The following PTPRN variants were observed in gnomAD, a reference collection of about 807,000 sequenced individuals.
PTPRN encodes the protein protein tyrosine phosphatase receptor type N.
Under a neutral mutation model 108.5 loss-of-function variants are expected in PTPRN, and 70 were observed. The observed-to-expected ratio is 0.65, with a 90% CI of 0.53 to 0.79. PTPRN has a LOEUF of 0.79. Among genes scored for constraint, PTPRN ranks in the 30% least tolerant of loss-of-function variants. The pLI is 0.00. For synonymous variants in PTPRN, 496 were observed against 524.6 expected (o/e 0.95, Z 0.75); for missense variants, 1,136 against 1,295.5 (o/e 0.88, Z 1.89).
intron 20 of PTPRN, 46 bp downstream of exon 20, chr2:219,291,424 G>T: frequency 6.3e-7 from 1 of 1,590,202 alleles, no homozygotes; most frequent in Non-Finnish European, 8.6e-7. Flanking sequence ...CACAGGAGAC[G>T]CACACAGGGA....
Position 219,296,059 on chromosome 2 carries a change from CA to C in PTPRN, c.2508+166del. On this transcript the variant is annotated intron_variant, in intron 18 of 22. Transcript: ENST00000295718. The surrounding 1 kb of genome is among the most constrained non-coding windows in gnomAD (Gnocchi z 6.0). ...GTATATATGTGAATATATGGGTATG[CA>C]TATATGTGTTTATATATATTCATAT... The C allele has an allele frequency of 1.1e-6, 1 of 913,504 alleles. No homozygotes were observed. Among genetic ancestry groups the C allele is most frequent in the Non-Finnish European group, 1.7e-6 (1 of 599,526 alleles). 56.6% of individuals were successfully genotyped at this position (913,504 alleles called of 1,614,324 possible).
At position 219,302,351 on chromosome 2, in the gene PTPRN, G is replaced by A; in HGVS notation, c.780C>T (p.Ser260=). 1 of 1,613,722 alleles carries A rather than the reference G, an allele frequency of 6.2e-7. No homozygotes were observed. The highest frequency in any genetic ancestry group is 1.7e-4 in the Middle Eastern group (1 of 6,050). The change falls in exon 6 of 23, where the codon TCC becomes TCT. Residue 260 remains serine, a synonymous_variant. Coordinates refer to ENST00000295718, the MANE Select transcript of PTPRN (RefSeq NM_002846.4). ...KGIFGDHPGH[S]YGDLPGPSPA... ...GTGAAGGCCCTGGAAGGTCCCCGTA[G>A]GAGTGGCCAGGGTGGTCCCCAAATA...
intron 1 of PTPRN, 23 bp downstream of exon 1, chr2:219,309,195 G>A (rs754933954): frequency 3.3e-5 from 18 of 550,622 alleles, no homozygotes; most frequent in Non-Finnish European, 4.2e-5. Flanking sequence ...CCCACCACCC[G>A]CCAGCCCAAG....
chr2:219,305,462 C>T (rs184826591), intron 3 of PTPRN, among the ~76,000 whole-genome samples: 2 of 152,146 alleles, frequency 1.3e-5, no homozygotes, highest in Admixed American at 6.5e-5. Context: ...AGGCTGGTCT[C>T]GAACTCCTGA....
chr2:219,298,070 C>T lies in PTPRN; in HGVS notation c.1702G>A (p.Ala568Thr), dbSNP rs765635371. ...EEAAAVLPQTAHSTSPMRSVL... is the reference protein window; with the variant it reads ...EEAAAVLPQTTHSTSPMRSVL... Reference sequence around the variant, plus strand: ...GAGCGCATGGGTGAGGTGCTGTGCGCAGTTTGGGGAAGGACTGCAGCTGCC... The same window carrying T: ...GAGCGCATGGGTGAGGTGCTGTGCGTAGTTTGGGGAAGGACTGCAGCTGCC... Residue 568 changes from alanine to threonine, a missense_variant, in exon 13 of 23, where the codon GCG (alanine) becomes ACG (threonine). Physicochemically the swap from Ala to Thr is moderately conservative, Grantham distance 58. Transcript: ENST00000295718. 1.9e-6 allele frequency: 3 copies of T among 1,613,888 alleles called. No individual in the cohort carries two copies. The highest frequency in any genetic ancestry group is 1.7e-5 in the Admixed American group (1 of 60,034).
chr2:219,302,795 C>G lies in PTPRN; in HGVS notation c.420G>C (p.Leu140=). ...APKRPGPAGE[L]LLQDIPTGSA... ...AGCCAGTGGGGATGTCCTGTAAAAGCAGCTCTCCAGCAGGACCAGGTCTCT... is the reference window on the plus strand; with the variant it reads ...AGCCAGTGGGGATGTCCTGTAAAAGGAGCTCTCCAGCAGGACCAGGTCTCT... The change falls in exon 5 of 23, where the codon CTG becomes CTC. Residue 140 remains leucine (L), a synonymous_variant. Coordinates refer to ENST00000295718, the MANE Select transcript of PTPRN (RefSeq NM_002846.4). 6.2e-7 allele frequency: 1 copy of G among 1,613,588 alleles called. No individual in the cohort carries two copies. Among genetic ancestry groups the G allele is most frequent in the Non-Finnish European group, 8.5e-7 (1 of 1,179,848 alleles).
intron 3 of PTPRN, among the ~76,000 whole-genome samples, chr2:219,306,414 G>T (rs537955840): frequency 6.6e-6 from 1 of 152,208 alleles, no homozygotes; most frequent in South Asian, 2.1e-4. Flanking sequence ...CAAAAGAATG[G>T]CACTCCATAG....
chr2:219,304,408 CTTCA>C (rs543245498), intron 3 of PTPRN, among the ~76,000 whole-genome samples: 101 of 152,268 alleles, frequency 6.6e-4, no homozygotes, highest in Non-Finnish European at 1.2e-3. Flanking sequence ...GTATCATCAT[CTTCA>C]TTGTCGTCAT....
In PTPRN at chr2:219,302,314, A is replaced by G. The variant is rs749734094; in HGVS notation, c.817T>C (p.Phe273Leu). The change falls in exon 6 of 23, where the codon TTT (phenylalanine) becomes CTT (leucine). Residue 273 changes from phenylalanine to leucine, a missense_variant. By Grantham distance (22) the Phe-to-Leu change is conservative. Coordinates refer to ENST00000295718, the MANE Select transcript of PTPRN (RefSeq NM_002846.4). ...AGATAGAGCAGCCCAGAGTCTTGAA[A>G]AAGCTGGGCAGGTGAAGGCCCTGGA... ...DLPGPSPAQL[F>L]QDSGLLYLAQ... is the part of the protein sequence containing the mutation. 49 of 1,613,854 alleles carry G rather than the reference A, an allele frequency of 3.0e-5. No homozygotes were observed. The East Asian group carries it at 1.0e-3, about 34-fold the overall frequency.
In PTPRN at chr2:219,299,690, C is replaced by T; in HGVS notation, c.1523+10G>A. On this transcript the variant is annotated intron_variant, in intron 10 of 22. Transcript: ENST00000295718. ...TCTCGGCCACTGCCCTAGCAAGATG[C>T]CAGCCCCACCTGATGTTGATGAAGC... The T allele has an allele frequency of 1.3e-6, 2 of 1,585,714 alleles. No homozygotes were observed. Among genetic ancestry groups the T allele is most frequent in the Non-Finnish European group, 1.7e-6 (2 of 1,161,878 alleles).
chr2:219,296,394 C>T lies in PTPRN; in HGVS notation c.2388+45G>A, dbSNP rs757334469. 1.3e-4 allele frequency: 207 copies of T among 1,613,940 alleles called. No individual in the cohort carries two copies. The highest frequency in any genetic ancestry group is 1.6e-4 in the Non-Finnish European group (186 of 1,179,958). ...CTCCACTCTAACCTCCCTGGGACCT[C>T]GTGGCCACAAGGACCCCAGCGAAGC... On this transcript the variant is annotated intron_variant, in intron 17 of 22. Coordinates refer to ENST00000295718, the MANE Select transcript of PTPRN (RefSeq NM_002846.4). This position sits in a 1 kb window ranked among gnomAD's most constrained non-coding sequence, Gnocchi z 6.0.
At chr2:219,307,260 C>T (rs927283609) in intron 3 of PTPRN, 184 bp downstream of exon 3, 2 of 529,406 alleles carry the variant, frequency 3.8e-6, no homozygotes, top group Admixed American at 6.6e-5. Flanking sequence ...CTCCTCTGGG[C>T]TTCTCCAGAG....
At chr2:219,307,343 A>C (rs556064674) in intron 3 of PTPRN, 101 bp downstream of exon 3, 257 of 979,622 alleles carry the variant, frequency 2.6e-4, no homozygotes, top group Non-Finnish European at 1.3e-4. Context: ...GTGAGGCTCC[A>C]GCAGTGGGGG....
In PTPRN at chr2:219,294,864, G is replaced by A. The variant is rs561191826; in HGVS notation, c.2675+111C>T. ...TGGGGTCTGGAGCGGGCGGCCAGAA[G>A]TCAGAGGCCGAGGCTCCAGGCCCGA... is the stretch of plus-strand genomic sequence containing the variant. On this transcript the variant is annotated intron_variant, in intron 19 of 22. Transcript: ENST00000295718. The A allele has an allele frequency of 2.2e-5, 25 of 1,155,368 alleles. No individual in the cohort carries two copies. In the Admixed American group the frequency reaches 8.9e-4, roughly 41 times the overall value. 71.6% of individuals were successfully genotyped at this position (1,155,368 alleles called of 1,614,324 possible). A position where few individuals can be genotyped will look rare whatever the true frequency, so the allele number is the denominator to read the frequency against.
Position 219,290,864 on chromosome 2 carries a change from T to G in PTPRN, c.2756A>C (p.Tyr919Ser). 1.2e-6 allele frequency: 2 copies of G among 1,613,964 alleles called. No individual in the cohort carries two copies. The highest frequency in any genetic ancestry group is 1.7e-6 in the Non-Finnish European group (2 of 1,179,968). Reference sequence around the variant, plus strand: ...GTTCAGGACCATGTCGATGAGGATGTAGGTGCCGGTCCTCCCCGCACCATC... The same window carrying G: ...GTTCAGGACCATGTCGATGAGGATGGAGGTGCCGGTCCTCCCCGCACCATC... The part of the protein sequence containing the change: ...CSDGAGRTGT[Y>S]ILIDMVLNRM... Residue 919 changes from tyrosine (Y) to serine (S), a missense_variant, in exon 21 of 23, where the codon TAC (tyrosine) becomes TCC (serine). By Grantham distance (144) the Tyr-to-Ser change is moderately radical. Coordinates refer to ENST00000295718, the MANE Select transcript of PTPRN (RefSeq NM_002846.4). The surrounding 1 kb of genome is among the most constrained non-coding windows in gnomAD (Gnocchi z 4.2).
At chr2:219,293,139 C>T (rs12476024) in intron 19 of PTPRN, among the ~76,000 whole-genome samples, 3,959 of 150,308 alleles carry the variant, frequency 0.026, 175 homozygotes, top group African/African-American at 0.093. Context: ...AATTTGTTTT[C>T]CTTCTAGGGG....
chr2:219,303,711 G>C, intron 4 of PTPRN, 24 bp downstream of exon 4: 3 of 1,587,834 alleles, frequency 1.9e-6, no homozygotes, highest in Non-Finnish European at 1.7e-6. Context: ...ACCATTGCTA[G>C]AGTTGTAGAG....
intron 11 of PTPRN, 36 bp downstream of exon 11, chr2:219,299,269 G>A: frequency 6.2e-7 from 1 of 1,610,270 alleles, no homozygotes; most frequent in Non-Finnish European, 8.5e-7. Context: ...GTGGGGCTGG[G>A]GCCAAGCCTG....
chr2:219,297,853 C>G lies in PTPRN; in HGVS notation c.1887+32G>C. 1 of 1,571,380 alleles carries G rather than the reference C, an allele frequency of 6.4e-7. No individual in the cohort carries two copies. Among genetic ancestry groups the G allele is most frequent in the South Asian group, 1.2e-5 (1 of 86,208 alleles). ...CCAGACTCCCAGGCCCCTTGCATTT[C>G]CTTTGCTCAATCAGCTTCTGGGGCT... On this transcript the variant is annotated intron_variant, in intron 13 of 22. Coordinates refer to ENST00000295718, the MANE Select transcript of PTPRN (RefSeq NM_002846.4). This position sits in a 1 kb window ranked among gnomAD's most constrained non-coding sequence, Gnocchi z 6.0.
Sources: gnomAD v4.1 joint callset for allele counts (sites outside exome capture counted in the v4.1 genomes callset) on GRCh38, gnomAD v4.1.1 for gene constraint, Gnocchi (gnomAD v3.1) non-coding constraint, MANE v1.5 for transcripts, NCBI Gene and HGNC (gene_info 2026-07-23, HGNC 2026-07-21) for gene names.